ARHGEF28: variants seen among roughly 807,000 people sequenced by gnomAD.
The protein encoded by ARHGEF28 is Rho guanine nucleotide exchange factor 28, also known as 190 kDa guanine nucleotide exchange factor.
In ARHGEF28, 152 loss-of-function variants were observed where a neutral mutation model predicts 206.6. The observed-to-expected ratio is 0.74, with a 90% confidence interval of 0.64 to 0.84. The LOEUF (loss-of-function observed/expected upper bound fraction) is 0.84. ARHGEF28 is among the 40% of genes least tolerant of loss of function. The pLI is 0.00. For synonymous variants in ARHGEF28, 763 were observed against 776.4 expected, an observed-to-expected ratio of 0.98 and a Z score of 0.29; for missense variants, 2,028 against 2,073.2, an observed-to-expected ratio of 0.98 and a Z score of 0.42.
chr5:73,913,163 C>T (rs554610029), intron 35 of ARHGEF28, among the ~76,000 whole-genome samples: 4 of 152,166 alleles, frequency 2.6e-5, no homozygotes, highest in East Asian at 3.8e-4. Flanking sequence ...AATGTACTTA[C>T]GCTTAAGAAA....
At chr5:73,680,733 G>A (rs1747035180) in intron 1 of ARHGEF28, among the ~76,000 whole-genome samples, 1 of 152,060 alleles carries the variant, frequency 6.6e-6, no homozygotes, top group Non-Finnish European at 1.5e-5. Flanking sequence ...AATACCACAA[G>A]TTGAGTTGTG....
chr5:73,673,648 C>T (rs1031047945), intron 1 of ARHGEF28, among the ~76,000 whole-genome samples: 8 of 152,048 alleles, frequency 5.3e-5, no homozygotes, highest in African/African-American at 1.9e-4. Flanking sequence ...AATAAATATT[C>T]AAAGTCTTAA....
At chr5:73,786,328 A>AC (rs1475485863) in intron 7 of ARHGEF28, 1 of 152,222 alleles carries the variant, frequency 6.6e-6, no homozygotes, top group African/African-American at 2.4e-5. Flanking sequence ...ACCTGAGGTG[A>AC]CACTGGCCCA....
rs1272684608 is a variant in ARHGEF28 at position 73,901,296 on chromosome 5, T to A, written c.4074+12T>A. 1.9e-6 allele frequency: 3 copies of A among 1,608,714 alleles called. No individual in the cohort carries two copies. The African/African-American group carries it at 4.0e-5, about 21-fold the overall frequency. On this transcript the variant is annotated intron_variant, in intron 31 of 35. Coordinates refer to ENST00000513042, the MANE Select transcript of ARHGEF28 (RefSeq NM_001177693.2). Reference sequence around the variant, plus strand: ...ATGCAGGGGAGAAGGTATTGTGAACTGATTTGTTAGTAAACGGCAGCGGTT... The same window carrying A: ...ATGCAGGGGAGAAGGTATTGTGAACAGATTTGTTAGTAAACGGCAGCGGTT...
intron 2 of ARHGEF28, among the ~76,000 whole-genome samples, chr5:73,695,370 G>C (rs186864063): frequency 6.6e-6 from 1 of 151,452 alleles, no homozygotes; most frequent in Non-Finnish European, 1.5e-5. Context: ...TCTTTTTCTC[G>C]CGAGCTCATC....
At chr5:73,722,701 C>T (rs1043600009) in intron 2 of ARHGEF28, among the ~76,000 whole-genome samples, 5 of 152,170 alleles carry the variant, frequency 3.3e-5, no homozygotes, top group African/African-American at 1.2e-4. Context: ...TGATGAGAAA[C>T]AGGCAGATAG....
At chr5:73,922,529 T>C (rs971929120) in intron 35 of ARHGEF28, among the ~76,000 whole-genome samples, 2 of 152,242 alleles carry the variant, frequency 1.3e-5, no homozygotes, top group Non-Finnish European at 2.9e-5. Context: ...AGATGTGCCC[T>C]TGCAGTTAAC....
At position 73,867,861 on chromosome 5, in the gene ARHGEF28, T is replaced by A; in HGVS notation, c.2153-15T>A. The stretch of plus-strand genomic sequence containing the variant: ...TGACCTGGAAACCACATGAAGCATC[T>A]GTTCTGATTTCCAGATTCTTCATTT... On this transcript the variant is annotated splice_polypyrimidine_tract_variant and intron_variant, in intron 18 of 35. Transcript: ENST00000513042. 6.2e-7 allele frequency: 1 copy of A among 1,613,946 alleles called. No individual in the cohort carries two copies. Among genetic ancestry groups the A allele is most frequent in the Non-Finnish European group, 8.5e-7 (1 of 1,179,834 alleles).
chr5:73,930,884 C>T (rs1764079112), intron 35 of ARHGEF28, among the ~76,000 whole-genome samples: 1 of 152,128 alleles, frequency 6.6e-6, no homozygotes, highest in Non-Finnish European at 1.5e-5. Context: ...GGACTTGTTG[C>T]TCTCCAGGCC....
At chr5:73,749,060 C>G (rs1751892220) in intron 2 of ARHGEF28, among the ~76,000 whole-genome samples, 1 of 152,176 alleles carries the variant, frequency 6.6e-6, no homozygotes, top group African/African-American at 2.4e-5. Flanking sequence ...GGCAGCTCCT[C>G]TCCTTGGGAC....
At chr5:73,851,183 T>C (rs901601468) in intron 13 of ARHGEF28, among the ~76,000 whole-genome samples, 1 of 152,230 alleles carries the variant, frequency 6.6e-6, no homozygotes, top group Non-Finnish European at 1.5e-5. Flanking sequence ...GAGGTTTGTG[T>C]TGCCATAAAT....
At chr5:73,904,444 T>C in intron 33 of ARHGEF28, 39 bp downstream of exon 33, 1 of 1,555,430 alleles carries the variant, frequency 6.4e-7, no homozygotes. Flanking sequence ...TGTGAATGGT[T>C]CTCTTAATGC....
chr5:73,794,040 C>T (rs1329229696), intron 7 of ARHGEF28, among the ~76,000 whole-genome samples: 1 of 152,170 alleles, frequency 6.6e-6, no homozygotes, highest in East Asian at 1.9e-4. Context: ...GGGATTTCCT[C>T]AGGTGGGTAC....
At chr5:73,857,510 C>A (rs1006279307) in intron 14 of ARHGEF28, 146 bp from the exon 15 acceptor site, 42 of 735,460 alleles carry the variant, frequency 5.7e-5, no homozygotes, top group Non-Finnish European at 6.0e-5. Context: ...AATTGTTTTT[C>A]TCTTTAGAAC....
At chr5:73,912,072 A>C (rs1269727230) in intron 35 of ARHGEF28, among the ~76,000 whole-genome samples, 19 of 133,162 alleles carry the variant, frequency 1.4e-4, no homozygotes, top group Non-Finnish European at 2.6e-4. Context: ...TTGTCATTGT[A>C]AAAAAAAAAA....
intron 7 of ARHGEF28, among the ~76,000 whole-genome samples, chr5:73,789,665 C>A (rs2112476989): frequency 6.6e-6 from 1 of 151,678 alleles, no homozygotes; most frequent in South Asian, 2.1e-4. Flanking sequence ...AGTTTTTTTT[C>A]CAAGTTTTTA....
intron 1 of ARHGEF28, among the ~76,000 whole-genome samples, chr5:73,663,386 G>A (rs1201548165): frequency 6.6e-6 from 1 of 152,198 alleles, no homozygotes; most frequent in Non-Finnish European, 1.5e-5. Flanking sequence ...CAGGACTGGT[G>A]TGCCCTCGTT....
At chr5:73,754,449 G>C (rs2112407387) in intron 4 of ARHGEF28, among the ~76,000 whole-genome samples, 1 of 152,120 alleles carries the variant, frequency 6.6e-6, no homozygotes, top group South Asian at 2.1e-4. Flanking sequence ...GTATGGCGTG[G>C]GCTCCCTGAG....
Position 73,852,702 on chromosome 5 carries a change from A to C in ARHGEF28, c.1790+10A>C, listed in dbSNP as rs748991367. ...CACCAAGAGAAAACAGGTACTTTTA[A>C]CTATTCCAATTTTCCTGAGGAACTG... is the stretch of plus-strand genomic sequence containing the variant. On this transcript the variant is annotated intron_variant, in intron 14 of 35. Transcript: ENST00000513042. The C allele has an allele frequency of 1.2e-6, 2 of 1,613,272 alleles. No homozygotes were observed. The highest frequency in any genetic ancestry group is 1.7e-6 in the Non-Finnish European group (2 of 1,179,284).
Sources: gnomAD v4.1 joint callset for allele counts (sites outside exome capture counted in the v4.1 genomes callset) on GRCh38, gnomAD v4.1.1 for gene constraint, MANE v1.5 for transcripts, NCBI Gene and HGNC (gene_info 2026-07-23, HGNC 2026-07-21) for gene names.